The following ZFAND3 variants were observed in gnomAD, a reference collection of about 807,000 sequenced individuals.
ZFAND3 encodes zinc finger AN1-type containing 3.
In ZFAND3, 10 loss-of-function variants were observed where a neutral mutation model predicts 29.6. The observed-to-expected ratio is 0.34, with a 90% CI of 0.21 to 0.57. The LOEUF is 0.57. Ranked by LOEUF, ZFAND3 falls within the 20% of genes least tolerant of loss-of-function variation. ZFAND3 has a pLI of 0.86. For synonymous variants in ZFAND3, 128 were observed against 112.6 expected (o/e 1.14, Z -0.87); for missense variants, 230 against 304.5 (o/e 0.76, Z 1.82).
intron 4 of ZFAND3, among the ~76,000 whole-genome samples, chr6:38,091,691 C>CTTTTTT (rs34406765): frequency 1.5e-4 from 20 of 129,866 alleles, no homozygotes; most frequent in African/African-American, 4.1e-4. Context: ...ATTAAGGAGC[C>CTTTTTT]TTTTTTTTTT....
intron 2 of ZFAND3, among the ~76,000 whole-genome samples, chr6:38,041,641 T>A (rs1439008920): frequency 6.9e-5 from 1 of 14,582 alleles, no homozygotes; most frequent in African/African-American, 2.5e-4. Context: ...TTTCTTCTTC[T>A]TCTTCTTCTT....
At chr6:38,032,448 C>G (rs940869449) in intron 2 of ZFAND3, among the ~76,000 whole-genome samples, 46 of 152,236 alleles carry the variant, frequency 3.0e-4, no homozygotes, top group African/African-American at 1.0e-3. Flanking sequence ...GAACTCTGCT[C>G]AGTGGTCATG....
intron 1 of ZFAND3, among the ~76,000 whole-genome samples, chr6:37,845,130 C>A (rs1764154895): frequency 6.6e-6 from 1 of 152,028 alleles, no homozygotes; most frequent in Non-Finnish European, 1.5e-5. Context: ...AGTTATGGAG[C>A]CTGCCCAGAT....
intron 1 of ZFAND3, among the ~76,000 whole-genome samples, chr6:37,904,583 A>G (rs533279621): frequency 1.6e-4 from 24 of 152,170 alleles, no homozygotes; most frequent in East Asian, 3.8e-4. Flanking sequence ...TTCCCCATGT[A>G]TAATGAAAAC....
intron 2 of ZFAND3, among the ~76,000 whole-genome samples, chr6:38,017,384 G>T (rs915776269): frequency 4.6e-5 from 7 of 152,178 alleles, no homozygotes; most frequent in Non-Finnish European, 1.0e-4. Flanking sequence ...TCCATTCCAC[G>T]ATGACTTCAA....
intron 2 of ZFAND3, among the ~76,000 whole-genome samples, chr6:37,973,850 A>T (rs1355098824): frequency 1.3e-5 from 2 of 152,074 alleles, no homozygotes; most frequent in African/African-American, 4.8e-5. Flanking sequence ...TTTCTCATCT[A>T]CTTAGAAAGC....
intron 4 of ZFAND3, among the ~76,000 whole-genome samples, chr6:38,089,169 C>CAGTG (rs1383562356): frequency 1.3e-5 from 2 of 151,922 alleles, no homozygotes; most frequent in African/African-American, 4.8e-5. Flanking sequence ...GGCTGGAGTA[C>CAGTG]AGTGGTACAG....
At chr6:37,918,076 G>GTTTTGT (rs1351164728) in intron 1 of ZFAND3, among the ~76,000 whole-genome samples, 1 of 151,608 alleles carries the variant, frequency 6.6e-6, no homozygotes, top group Non-Finnish European at 1.5e-5. Context: ...TTTTTGTTTT[G>GTTTTGT]TTTTGTTTTT....
intron 5 of ZFAND3, among the ~76,000 whole-genome samples, chr6:38,138,036 G>A (rs1276910402): frequency 6.6e-6 from 1 of 152,214 alleles, no homozygotes; most frequent in Non-Finnish European, 1.5e-5. Context: ...TGGAGAGCCA[G>A]GCACGGTAAC....
chr6:37,923,517 C>G (rs965778333), intron 1 of ZFAND3, among the ~76,000 whole-genome samples: 2 of 152,158 alleles, frequency 1.3e-5, no homozygotes, highest in African/African-American at 4.8e-5. Context: ...TCTTCCTCTT[C>G]TTTTTTTAGT....
intron 2 of ZFAND3, among the ~76,000 whole-genome samples, chr6:38,014,671 G>A (rs922640612): frequency 1.3e-5 from 2 of 152,184 alleles, no homozygotes; most frequent in African/African-American, 4.8e-5. Flanking sequence ...AGTGCACAGA[G>A]TATATCTGGC....
chr6:37,856,705 T>G (rs1764389916), intron 1 of ZFAND3, among the ~76,000 whole-genome samples: 1 of 152,178 alleles, frequency 6.6e-6, no homozygotes, highest in Non-Finnish European at 1.5e-5. Context: ...ATATACATAT[T>G]TCTTATTTTT....
At chr6:37,999,891 A>G (rs191921137) in intron 2 of ZFAND3, among the ~76,000 whole-genome samples, 57 of 152,300 alleles carry the variant, frequency 3.7e-4, no homozygotes, top group African/African-American at 1.3e-3. Context: ...ATACCATACT[A>G]GTGTAAGATA....
rs1433139512 is a variant in ZFAND3 at position 37,937,669 on chromosome 6, AAAAAG to A, written c.112+7671_112+7675del. 2.6e-5 allele frequency among the ~76,000 whole-genome samples: 4 copies of A among 151,216 alleles called. No individual in the cohort carries two copies. The South Asian group carries it at 6.3e-4, about 24-fold the overall frequency. On this transcript the variant is annotated intron_variant, in intron 2 of 5. Coordinates refer to ENST00000287218, the MANE Select transcript of ZFAND3 (RefSeq NM_021943.3). Reference sequence around the variant, plus strand: ...ACTCCGTCTCAAAAAAAAAAAAAAAAAAAAGGCAAAAAAAGTAACTGCTGCTCTTA... The same window carrying A: ...ACTCCGTCTCAAAAAAAAAAAAAAAAGCAAAAAAAGTAACTGCTGCTCTTA...
intron 4 of ZFAND3, among the ~76,000 whole-genome samples, chr6:38,112,899 C>T (rs940789782): frequency 1.3e-4 from 20 of 152,274 alleles, no homozygotes; most frequent in African/African-American, 4.3e-4. Flanking sequence ...ATTAGCTTCT[C>T]ATTAAAACAC....
intron 2 of ZFAND3, among the ~76,000 whole-genome samples, chr6:38,020,890 G>A (rs922778520): frequency 6.6e-6 from 1 of 151,700 alleles, no homozygotes; most frequent in African/African-American, 2.4e-5. Flanking sequence ...AGTGTAGGGA[G>A]CCAAAGGATG....
At chr6:37,912,071 T>A (rs1442572409) in intron 1 of ZFAND3, among the ~76,000 whole-genome samples, 6 of 142,450 alleles carry the variant, frequency 4.2e-5, no homozygotes, top group African/African-American at 1.3e-4. Flanking sequence ...TGTGTGTGTG[T>A]GATGGTGTAG....
intron 1 of ZFAND3, among the ~76,000 whole-genome samples, chr6:37,822,797 G>A (rs975919141): frequency 6.6e-6 from 1 of 152,142 alleles, no homozygotes; most frequent in African/African-American, 2.4e-5. Flanking sequence ...GGTGAAGGCC[G>A]GGATGTGAGT....
chr6:37,830,060 A>G (rs1269779282), intron 1 of ZFAND3, among the ~76,000 whole-genome samples: 2 of 152,218 alleles, frequency 1.3e-5, no homozygotes, highest in African/African-American at 2.4e-5. Flanking sequence ...ATTTACCTAA[A>G]TAGTTTTCAT....
Sources: gnomAD v4.1 joint callset for allele counts (sites outside exome capture counted in the v4.1 genomes callset) on GRCh38, gnomAD v4.1.1 for gene constraint, MANE v1.5 for transcripts, NCBI Gene and HGNC (gene_info 2026-07-23, HGNC 2026-07-21) for gene names.